The following SORCS3 variants were observed in gnomAD, a reference collection of about 807,000 sequenced individuals.
The protein encoded by SORCS3 is VPS10 domain-containing receptor SorCS3.
A neutral mutation model predicts 146.3 loss-of-function variants in SORCS3; 57 were observed. The ratio of observed to expected loss-of-function variants is 0.39; its 90% CI spans 0.31 to 0.49. SORCS3 has a LOEUF of 0.49. Among genes scored for constraint, SORCS3 ranks in the 20% least tolerant of loss-of-function variants. The pLI, the probability that SORCS3 is intolerant of heterozygous loss-of-function variation, is 0.92. For missense variants in SORCS3, 1,341 were observed against 1,575.5 expected (o/e 0.85, Z 2.52); for synonymous variants, 653 against 618.5 (o/e 1.06, Z -0.83).
At chr10:105,119,425 A>G (rs541306829) in intron 7 of SORCS3, among the ~76,000 whole-genome samples, 181 of 152,318 alleles carry the variant, frequency 1.2e-3, no homozygotes, top group Non-Finnish European at 2.1e-3. Context: ...TAGAGTCCCT[A>G]CTGGGGCACT....
chr10:105,064,864 T>G (rs1344021405), intron 5 of SORCS3, among the ~76,000 whole-genome samples: 1 of 152,142 alleles, frequency 6.6e-6, no homozygotes, highest in Non-Finnish European at 1.5e-5. Flanking sequence ...CACGCCAATC[T>G]CCTTTGGAAA....
At chr10:104,685,083 G>T (rs994657015) in intron 1 of SORCS3, among the ~76,000 whole-genome samples, 2 of 152,038 alleles carry the variant, frequency 1.3e-5, no homozygotes, top group African/African-American at 2.4e-5. Flanking sequence ...CTCCAAAAGT[G>T]CTGGGATTAT....
chr10:104,901,671 C>A (rs996887400), intron 2 of SORCS3, among the ~76,000 whole-genome samples: 6 of 152,294 alleles, frequency 3.9e-5, no homozygotes, highest in Non-Finnish European at 5.9e-5. Flanking sequence ...CCAGCCTTTC[C>A]TGGTGGTCTT....
intron 1 of SORCS3, among the ~76,000 whole-genome samples, chr10:104,670,294 A>G (rs1400928663): frequency 6.6e-6 from 1 of 152,080 alleles, no homozygotes; most frequent in African/African-American, 2.4e-5. Flanking sequence ...CAATGTAGTG[A>G]AACTTTTCCC....
intron 3 of SORCS3, among the ~76,000 whole-genome samples, chr10:104,918,533 G>A (rs2019055787): frequency 6.6e-6 from 1 of 152,210 alleles, no homozygotes; most frequent in Admixed American, 6.5e-5. Flanking sequence ...AATCAAGCCA[G>A]CAGTGATGGT....
At chr10:105,238,973 T>C (rs901495837) in intron 20 of SORCS3, among the ~76,000 whole-genome samples, 6 of 152,192 alleles carry the variant, frequency 3.9e-5, no homozygotes, top group Non-Finnish European at 7.3e-5. Flanking sequence ...TAACTATCAC[T>C]TTAGCTTTAA....
intron 1 of SORCS3, among the ~76,000 whole-genome samples, chr10:104,720,970 C>CT (rs1003641081): frequency 6.6e-6 from 1 of 152,186 alleles, no homozygotes; most frequent in African/African-American, 2.4e-5. Context: ...TACAGAAGCT[C>CT]TTGAGTTTAA....
chr10:104,879,001 A>G (rs958985884), intron 2 of SORCS3, among the ~76,000 whole-genome samples: 1 of 152,168 alleles, frequency 6.6e-6, no homozygotes, highest in Admixed American at 6.5e-5. Flanking sequence ...TCAGGGTCAG[A>G]TTTGTGTTAT....
chr10:105,214,948 G>A (rs1197660016), intron 18 of SORCS3, among the ~76,000 whole-genome samples: 1 of 152,192 alleles, frequency 6.6e-6, no homozygotes, highest in African/African-American at 2.4e-5. Flanking sequence ...TTGGCCAGAG[G>A]AAGGAAATGT....
intron 11 of SORCS3, among the ~76,000 whole-genome samples, chr10:105,162,023 G>A (rs2056269199): frequency 6.6e-6 from 1 of 152,276 alleles, no homozygotes; most frequent in Admixed American, 6.5e-5. Flanking sequence ...GCAGGGGCAA[G>A]TTGCTTGTAT....
At chr10:105,076,010 G>C (rs2055586613) in intron 5 of SORCS3, among the ~76,000 whole-genome samples, 2 of 152,334 alleles carry the variant, frequency 1.3e-5, no homozygotes. Context: ...GTGGAAATGA[G>C]TGTGTGTGCA....
chr10:104,659,302 C>T (rs2015671497), intron 1 of SORCS3, among the ~76,000 whole-genome samples: 1 of 152,168 alleles, frequency 6.6e-6, no homozygotes, highest in South Asian at 2.1e-4. Context: ...GACCTAACTA[C>T]ATCTTTTTCC....
At chr10:104,940,226 ATATATATATATATTTTTTTT>A (rs1477588395) in intron 3 of SORCS3, among the ~76,000 whole-genome samples, 509 of 34,486 alleles carry the variant, frequency 0.015, 12 homozygotes, top group African/African-American at 0.051. Context: ...ATATATATAT[ATATATATATATATTTTTTTT>A]TTTTTTTTTA....
intron 7 of SORCS3, among the ~76,000 whole-genome samples, chr10:105,133,768 A>T (rs1451855504): frequency 6.6e-6 from 1 of 152,068 alleles, no homozygotes; most frequent in Non-Finnish European, 1.5e-5. Context: ...AGCCTGGGCA[A>T]CAGAGGGAGA....
At chr10:104,900,453 A>C (rs1378423670) in intron 2 of SORCS3, among the ~76,000 whole-genome samples, 6 of 152,178 alleles carry the variant, frequency 3.9e-5, no homozygotes, top group Admixed American at 3.9e-4. Context: ...CATATAAATC[A>C]CTAACAGCTT....
intron 3 of SORCS3, among the ~76,000 whole-genome samples, chr10:104,935,137 C>G (rs943803020): frequency 6.6e-6 from 1 of 152,154 alleles, no homozygotes. Flanking sequence ...GTCCTTTGAC[C>G]CTTGTGAGTT....
intron 2 of SORCS3, among the ~76,000 whole-genome samples, chr10:104,868,549 CTT>C (rs1179392470): frequency 6.6e-6 from 1 of 152,226 alleles, no homozygotes; most frequent in Admixed American, 6.5e-5. Context: ...CCAGGCCAGA[CTT>C]TGTCCAACTA....
chr10:104,774,387 C>T (rs574172865), intron 1 of SORCS3, among the ~76,000 whole-genome samples: 1 of 152,314 alleles, frequency 6.6e-6, no homozygotes, highest in East Asian at 1.9e-4. Flanking sequence ...ACCACAGCCC[C>T]TTCTTTCTCT....
At chr10:105,236,087 A>G (rs1780011680) in intron 20 of SORCS3, among the ~76,000 whole-genome samples, 1 of 152,114 alleles carries the variant, frequency 6.6e-6, no homozygotes, top group Admixed American at 6.6e-5. Flanking sequence ...ATATTTTCAA[A>G]TTAGTTTCTC....
Sources: gnomAD v4.1 joint callset for allele counts (sites outside exome capture counted in the v4.1 genomes callset) on GRCh38, gnomAD v4.1.1 for gene constraint, MANE v1.5 for transcripts, NCBI Gene and HGNC (gene_info 2026-07-23, HGNC 2026-07-21) for gene names.